SOCS3: variants seen among roughly 807,000 people sequenced by gnomAD.
The protein encoded by SOCS3 is suppressor of cytokine signaling 3.
Under a neutral mutation model 11.7 loss-of-function variants are expected in SOCS3, and 5 were observed. The ratio of observed to expected loss-of-function variants is 0.43; its 90% CI spans 0.22 to 0.90. SOCS3 has a LOEUF of 0.90. Among genes scored for constraint, SOCS3 ranks in the 40% least tolerant of loss-of-function variants. The pLI, the probability that SOCS3 is intolerant of heterozygous loss-of-function variation, is 0.27. For missense variants in SOCS3, 203 were observed against 302.0 expected, an observed-to-expected ratio of 0.67 and a Z score of 2.43; for synonymous variants, 143 against 136.3, an observed-to-expected ratio of 1.05 and a Z score of -0.34.
chr17:78,359,068 C>G lies in SOCS3; in HGVS notation c.28G>C (p.Ala10Pro). ...GTGTCCAGGGGGCGGCTCATCCCGG[C>G]GGCGGGAAACTTGCTGTGGGTGACC... Reference protein sequence around the residue: MVTHSKFPAAGMSRPLDTSL... With the variant: MVTHSKFPAPGMSRPLDTSL... Residue 10 changes from alanine (A) to proline (P), a missense_variant, in exon 2 of 2, where the codon GCC (alanine) becomes CCC (proline). This residue lies in a region of SOCS3 where 57 missense variants were observed against 74.2 expected (regional missense o/e 0.77). Coordinates refer to ENST00000330871, the MANE Select transcript of SOCS3 (RefSeq NM_003955.5). 6.4e-7 allele frequency: 1 copy of G among 1,566,998 alleles called. No individual in the cohort carries two copies.
At position 78,358,439 on chromosome 17, in the gene SOCS3, G is replaced by A. The variant is rs1412543820; in HGVS notation, c.657C>T (p.Asp219=). 6.2e-7 allele frequency: 1 copy of A among 1,613,586 alleles called. No individual in the cohort carries two copies. Among genetic ancestry groups the A allele is most frequent in the Non-Finnish European group, 8.5e-7 (1 of 1,180,014 alleles). Residue 219 remains aspartate, a synonymous_variant, in exon 2 of 2, where the codon GAC becomes GAT. Transcript: ENST00000330871. This position sits in a 1 kb window ranked among gnomAD's most constrained non-coding sequence, Gnocchi z 4.7. The part of the protein sequence containing the change: ...QLPGPIREFL[D]QYDAPL ...CCCCTTAAAGCGGGGCATCGTACTG[G>A]TCCAGGAACTCCCGAATGGGCCCCG...
At position 78,359,181 on chromosome 17, in the gene SOCS3, G is replaced by C. The variant is rs2145992512; in HGVS notation, c.-86C>G. On this transcript the variant is annotated splice_region_variant and 5_prime_UTR_variant, in exon 2 of 2. Transcript: ENST00000330871. The stretch of plus-strand genomic sequence containing the variant: ...ACAGCGGCCGCTACCGCATCCCGGG[G>C]GGCTGCGGAGAGGAAGGCGCGAGCG... The C allele has an allele frequency of 1.4e-6, 2 of 1,398,050 alleles. No individual in the cohort carries two copies. Among genetic ancestry groups the C allele is most frequent in the East Asian group, 2.5e-5 (1 of 39,232 alleles). The allele number at this position is 1,398,050 out of a possible 1,614,324, so 86.6% of individuals were successfully genotyped here.
In SOCS3 at chr17:78,358,218, T is replaced by C. The variant is rs917684853; in HGVS notation, c.*200A>G. The C allele has an allele frequency of 3.4e-6, 2 of 587,232 alleles. No homozygotes were observed. Among genetic ancestry groups the C allele is most frequent in the South Asian group, 2.1e-5 (1 of 47,354 alleles). The allele number at this position is 587,232 out of a possible 1,614,324, so 36.4% of individuals were successfully genotyped here. Reference sequence around the variant, plus strand: ...GAGAAGCTGGAGACTCAGGTGGTACTCCCCCTTCCCTCCAACACATTCCAG... The same window carrying C: ...GAGAAGCTGGAGACTCAGGTGGTACCCCCCCTTCCCTCCAACACATTCCAG... On this transcript the variant is annotated 3_prime_UTR_variant, in exon 2 of 2. Transcript: ENST00000330871. The surrounding 1 kb of genome is among the most constrained non-coding windows in gnomAD (Gnocchi z 4.7).
At position 78,358,379 on chromosome 17, in the gene SOCS3, T is replaced by TC. The variant is rs1184006905; in HGVS notation, c.*38dup. The TC allele has an allele frequency of 1.9e-6, 3 of 1,581,720 alleles. No individual in the cohort carries two copies. The highest frequency in any genetic ancestry group is 2.6e-6 in the Non-Finnish European group (3 of 1,151,976). ...GTGCCACGGAGGAGAGGGGCCTGCG[T>TC]CCCCTCTCCCGACCCATGCCCTTTG... On this transcript the variant is annotated 3_prime_UTR_variant, in exon 2 of 2. Coordinates refer to ENST00000330871, the MANE Select transcript of SOCS3 (RefSeq NM_003955.5). This position sits in a 1 kb window ranked among gnomAD's most constrained non-coding sequence, Gnocchi z 4.7.
At position 78,358,968 on chromosome 17, in the gene SOCS3, T is replaced by C. The variant is rs1211975469; in HGVS notation, c.128A>G (p.Glu43Gly). ...CACTGCGCTCCAGTAGAAGCCGCTC[T>C]CCTGCAGCTTGCGCACTGCGTTCAC... ...LVVNAVRKLQ[E>G]SGFYWSAVTG... The change falls in exon 2 of 2, where the codon GAG (glutamate) becomes GGG (glycine). Residue 43 changes from glutamate to glycine, a missense_variant. Physicochemically the swap from Glu to Gly is moderately conservative, Grantham distance 98 (BLOSUM62 -2). Around this residue, in one of 3 missense-constraint regions of SOCS3, gnomAD observed 57 missense variants for 74.2 expected, o/e 0.77. Coordinates refer to ENST00000330871, the MANE Select transcript of SOCS3 (RefSeq NM_003955.5). The surrounding 1 kb of genome is among the most constrained non-coding windows in gnomAD (Gnocchi z 4.7). 1.3e-6 allele frequency: 2 copies of C among 1,582,884 alleles called. No homozygotes were observed. Among genetic ancestry groups the C allele is most frequent in the Admixed American group, 3.6e-5 (2 of 54,900 alleles).
upstream of SOCS3, chr17:78,360,441 A>C (rs1441884086): frequency 2.2e-5 from 3 of 134,394 alleles, no homozygotes; most frequent in Admixed American, 2.3e-4. This position sits in a 1 kb window ranked among gnomAD's most constrained non-coding sequence, Gnocchi z 5.6. Context: ...GATTTCTGGC[A>C]GAGGCGGGGG....
chr17:78,358,302 C>T lies in SOCS3; in HGVS notation c.*116G>A, dbSNP rs2081583135. 3 of 967,984 alleles carry T rather than the reference C, an allele frequency of 3.1e-6. No individual in the cohort carries two copies. Among genetic ancestry groups the T allele is most frequent in the Admixed American group, 4.5e-5 (2 of 44,186 alleles). 60.0% of individuals were successfully genotyped at this position (967,984 alleles called of 1,614,324 possible). ...AGGGAGGGGCCTGTCCGCCCTCTTT[C>T]CCCCCAGAGCTACAGGACTCTCTCC... is the stretch of plus-strand genomic sequence containing the variant. On this transcript the variant is annotated 3_prime_UTR_variant, in exon 2 of 2. Coordinates refer to ENST00000330871, the MANE Select transcript of SOCS3 (RefSeq NM_003955.5). The surrounding 1 kb of genome is among the most constrained non-coding windows in gnomAD (Gnocchi z 4.7).
chr17:78,359,174 T>G lies in SOCS3; in HGVS notation c.-79A>C. ...CCTCCGCACAGCGGCCGCTACCGCA[T>G]CCCGGGGGGCTGCGGAGAGGAAGGC... On this transcript the variant is annotated 5_prime_UTR_variant, in exon 2 of 2. It removes an upstream start codon present in the reference 5' UTR. Coordinates refer to ENST00000330871, the MANE Select transcript of SOCS3 (RefSeq NM_003955.5). 1.4e-6 allele frequency: 2 copies of G among 1,417,934 alleles called. No individual in the cohort carries two copies. Among genetic ancestry groups the G allele is most frequent in the Non-Finnish European group, 1.9e-6 (2 of 1,059,990 alleles). The allele number at this position is 1,417,934 out of a possible 1,614,324, so 87.8% of individuals were successfully genotyped here.
At position 78,358,046 on chromosome 17, in the gene SOCS3, G is replaced by A. The variant is rs952001259; in HGVS notation, c.*372C>T. On this transcript the variant is annotated 3_prime_UTR_variant, in exon 2 of 2. Coordinates refer to ENST00000330871, the MANE Select transcript of SOCS3 (RefSeq NM_003955.5). The surrounding 1 kb of genome is among the most constrained non-coding windows in gnomAD (Gnocchi z 4.7). ...CCAAATCAAAGAGCAAACAAGTTCC[G>A]TTGGAAAGTTTGAAGATTCCCTGGC... 1.3e-5 allele frequency: 3 copies of A among 228,460 alleles called. No individual in the cohort carries two copies. The highest frequency in any genetic ancestry group is 1.1e-4 in the East Asian group (1 of 9,292). 14.2% of individuals were successfully genotyped at this position (228,460 alleles called of 1,614,324 possible).
chr17:78,358,398 C>T lies in SOCS3; in HGVS notation c.*20G>A. The T allele has an allele frequency of 6.2e-7, 1 of 1,612,646 alleles. No individual in the cohort carries two copies. Among genetic ancestry groups the T allele is most frequent in the Non-Finnish European group, 8.5e-7 (1 of 1,179,352 alleles). Reference sequence around the variant, plus strand: ...CCTGCGTCCCCTCTCCCGACCCATGCCCTTTGCGCCCTTTACCCCTTAAAG... The same window carrying T: ...CCTGCGTCCCCTCTCCCGACCCATGTCCTTTGCGCCCTTTACCCCTTAAAG... On this transcript the variant is annotated 3_prime_UTR_variant, in exon 2 of 2. Coordinates refer to ENST00000330871, the MANE Select transcript of SOCS3 (RefSeq NM_003955.5). This position sits in a 1 kb window ranked among gnomAD's most constrained non-coding sequence, Gnocchi z 4.7.
chr17:78,359,579 C>T (rs990927255), intron 1 of SOCS3, among the ~76,000 whole-genome samples, 171 bp downstream of exon 1: 1 of 152,106 alleles, frequency 6.6e-6, no homozygotes, highest in Non-Finnish European at 1.5e-5. Context: ...CAGGAGAAGC[C>T]CGAAGGCCCC....
Position 78,358,260 on chromosome 17 carries a change from C to A in SOCS3, c.*158G>T, listed in dbSNP as rs2081582632. The A allele has an allele frequency of 1.5e-6, 1 of 678,604 alleles. No homozygotes were observed. Among genetic ancestry groups the A allele is most frequent in the Non-Finnish European group, 2.5e-6 (1 of 401,916 alleles). 42.0% of individuals were successfully genotyped at this position (678,604 alleles called of 1,614,324 possible). A position where few individuals can be genotyped will look rare whatever the true frequency, so the allele number is the denominator to read the frequency against. ...ACATTCCAGGTCCGCCTGCCACATT[C>A]TGCAGGGAGAGGGCAGAGGGAGGGG... On this transcript the variant is annotated 3_prime_UTR_variant, in exon 2 of 2. Transcript: ENST00000330871. This position sits in a 1 kb window ranked among gnomAD's most constrained non-coding sequence, Gnocchi z 4.7.
rs1464665255 is a variant in SOCS3, at chr17:78,358,846, C to G, written c.250G>C (p.Val84Leu). The G allele has an allele frequency of 6.2e-7, 1 of 1,612,854 alleles. No individual in the cohort carries two copies. The highest frequency in any genetic ancestry group is 8.5e-7 in the Non-Finnish European group (1 of 1,179,848). ...SDQRHFFTLS[V>L]KTQSGTKNLR... ...TTCTTGGTCCCAGACTGGGTCTTGA[C>G]GCTGAGCGTGAAGAAGTGGCGCTGG... is the stretch of plus-strand genomic sequence containing the variant. Residue 84 changes from valine to leucine, a missense_variant, in exon 2 of 2, where the codon GTC (valine) becomes CTC (leucine). Val to Leu is a conservative substitution (Grantham distance 32, BLOSUM62 1). Around this residue, in one of 3 missense-constraint regions of SOCS3, gnomAD observed 141 missense variants for 200.5 expected, o/e 0.70. Coordinates refer to ENST00000330871, the MANE Select transcript of SOCS3 (RefSeq NM_003955.5). This position sits in a 1 kb window ranked among gnomAD's most constrained non-coding sequence, Gnocchi z 4.7.
rs1237691650 is a variant in SOCS3, at chr17:78,359,102, C to G, written c.-7G>C. ...ACTTGCTGTGGGTGACCATGGCGCA[C>G]GGAGCCAGCGTGGATCTGCGCGGCG... is the stretch of plus-strand genomic sequence containing the variant. On this transcript the variant is annotated 5_prime_UTR_variant, in exon 2 of 2. Transcript: ENST00000330871. The G allele has an allele frequency of 1.9e-6, 3 of 1,549,400 alleles. No individual in the cohort carries two copies. Among genetic ancestry groups the G allele is most frequent in the Non-Finnish European group, 2.6e-6 (3 of 1,146,892 alleles).
In SOCS3 at chr17:78,359,016, G is replaced by C; in HGVS notation, c.80C>G (p.Ser27Cys). ...DTSLRLKTFSSKSEYQLVVNA... is the reference protein window; with the variant it reads ...DTSLRLKTFSCKSEYQLVVNA... The stretch of plus-strand genomic sequence containing the variant: ...CACCACCAGCTGGTACTCGCTCTTG[G>C]AGCTGAAGGTCTTGAGGCGCAGGCT... The change falls in exon 2 of 2, where the codon TCC (serine) becomes TGC (cysteine). Residue 27 changes from serine (S) to cysteine (C), a missense_variant. By Grantham distance (112) the Ser-to-Cys change is moderately radical. Transcript: ENST00000330871. 3 of 1,575,642 alleles carry C rather than the reference G, an allele frequency of 1.9e-6. No individual in the cohort carries two copies. Among genetic ancestry groups the C allele is most frequent in the African/African-American group, 1.3e-5 (1 of 74,252 alleles).
chr17:78,358,911 G>A lies in SOCS3; in HGVS notation c.185C>T (p.Ala62Val). Reference protein sequence around the residue: ...TGGEANLLLSAEPAGTFLIRD... With the variant: ...TGGEANLLLSVEPAGTFLIRD... ...GATCAGAAAGGTGCCGGCGGGCTCG[G>A]CACTGAGCAGCAGGTTCGCCTCGCC... is the stretch of plus-strand genomic sequence containing the variant. Residue 62 changes from alanine to valine, a missense_variant, in exon 2 of 2, where the codon GCC (alanine) becomes GTC (valine). By Grantham distance (64) the Ala-to-Val change is moderately conservative. This residue lies in a region of SOCS3 where 5 missense variants were observed against 27.3 expected (regional missense o/e 0.18). Transcript: ENST00000330871. This position sits in a 1 kb window ranked among gnomAD's most constrained non-coding sequence, Gnocchi z 4.7. 1 of 1,602,140 alleles carries A rather than the reference G, an allele frequency of 6.2e-7. No homozygotes were observed. Among genetic ancestry groups the A allele is most frequent in the Non-Finnish European group, 8.5e-7 (1 of 1,175,606 alleles).
chr17:78,360,353 G>T (rs1292209197), upstream of SOCS3: 2 of 150,644 alleles, frequency 1.3e-5, no homozygotes, highest in African/African-American at 4.9e-5. This position sits in a 1 kb window ranked among gnomAD's most constrained non-coding sequence, Gnocchi z 5.6. Flanking sequence ...TCCTGGCAGC[G>T]GCCCCTCCCC....
At position 78,358,483 on chromosome 17, in the gene SOCS3, C is replaced by A; in HGVS notation, c.613G>T (p.Glu205Ter). The change falls in exon 2 of 2, where the codon GAG becomes TAG. Residue 205 changes from glutamate to a stop codon, truncating the protein, a stop_gained. Coordinates refer to ENST00000330871, the MANE Select transcript of SOCS3 (RefSeq NM_003955.5). LOFTEE classifies it high-confidence loss of function. The surrounding 1 kb of genome is among the most constrained non-coding windows in gnomAD (Gnocchi z 4.7). ...KTVNGHLDSYEKVTQLPGPIR... is the reference protein window; with the variant it reads ...KTVNGHLDSY Reference sequence around the variant, plus strand: ...GGCCCCGGCAGCTGGGTGACTTTCTCATAGGAGTCCAGGTGGCCGTTGACG... The same window carrying A: ...GGCCCCGGCAGCTGGGTGACTTTCTAATAGGAGTCCAGGTGGCCGTTGACG... 1 of 1,613,844 alleles carries A rather than the reference C, an allele frequency of 6.2e-7. No homozygotes were observed. The highest frequency in any genetic ancestry group is 8.5e-7 in the Non-Finnish European group (1 of 1,179,994).
chr17:78,360,556 C>G (rs1372027833), upstream of SOCS3: 2 of 152,390 alleles, frequency 1.3e-5, no homozygotes, highest in Non-Finnish European at 2.9e-5. This position sits in a 1 kb window ranked among gnomAD's most constrained non-coding sequence, Gnocchi z 5.6. Context: ...TCGCCGCCAC[C>G]CGGGCCTCCC....
Sources: allele counts gnomAD v4.1 joint callset (sites outside exome capture counted in the v4.1 genomes callset), GRCh38; gene constraint gnomAD v4.1.1; regional missense constraint gnomAD v4.1.1; non-coding constraint Gnocchi (gnomAD v3.1); transcripts MANE v1.5; gene names NCBI Gene and HGNC (gene_info 2026-07-23, HGNC 2026-07-21).